CALN1: variants seen among roughly 807,000 people sequenced by gnomAD.
CALN1 encodes the protein calneuron 1.
CALN1 carries 17 observed loss-of-function variants against 30.6 expected under a neutral mutation model. The ratio of observed to expected loss-of-function variants is 0.56; its 90% CI spans 0.38 to 0.83. CALN1 has a LOEUF of 0.83. Ranked by LOEUF, CALN1 falls within the 40% of genes least tolerant of loss-of-function variation. CALN1 has a pLI of 0.00. For synonymous variants in CALN1, 156 were observed against 131.4 expected (o/e 1.19, Z -1.28); for missense variants, 291 against 354.9 (o/e 0.82, Z 1.45).
intron 5 of CALN1, among the ~76,000 whole-genome samples, chr7:71,882,694 C>CT (rs1247314325): frequency 6.6e-6 from 1 of 151,744 alleles, no homozygotes. Context: ...AAAAAAACAA[C>CT]TTTTTAAGAG....
Position 72,418,181 on chromosome 7 carries a change from A to G in CALN1, c.-225-5906T>C, listed in dbSNP as rs187371219. On this transcript the variant is annotated intron_variant, in intron 1 of 6. Transcript: ENST00000395276. ...CCATCTTGATGTCCACATGTACCCAATGTTTCTTTCCCACTTACAAGTGAG... is the reference window on the plus strand; with the variant it reads ...CCATCTTGATGTCCACATGTACCCAGTGTTTCTTTCCCACTTACAAGTGAG... Among the ~76,000 whole-genome samples the G allele has an allele frequency of 7.3e-5, 11 of 151,378 alleles. No homozygotes were observed. The East Asian group carries it at 9.8e-4, about 13-fold the overall frequency.
In CALN1 at chr7:72,278,012, G is replaced by C. The variant is rs567967284; in HGVS notation, c.244+674C>G. Among the ~76,000 whole-genome samples the C allele has an allele frequency of 9.4e-5, 13 of 138,766 alleles. 2 individuals carry two copies. Among genetic ancestry groups the C allele is most frequent in the African/African-American group, 2.1e-4 (8 of 37,376 alleles). The allele number at this position is 138,766 out of a possible 152,430, so 91.0% of individuals were successfully genotyped here. ...AATCAACCTAATCCTCTATTCCGGG[G>C]GGGGGGGACTTGTTTTTCCTATTTT... On this transcript the variant is annotated intron_variant, in intron 3 of 6. Transcript: ENST00000395275.
At chr7:71,995,957 C>T (rs1799230976) in intron 5 of CALN1, among the ~76,000 whole-genome samples, 1 of 152,096 alleles carries the variant, frequency 6.6e-6, no homozygotes, top group South Asian at 2.1e-4. Flanking sequence ...TAAGAATCTC[C>T]TCCCGCAAAG....
chr7:71,927,918 G>A (rs868073208), intron 5 of CALN1, among the ~76,000 whole-genome samples: 7 of 152,206 alleles, frequency 4.6e-5, no homozygotes, highest in Middle Eastern at 3.4e-3. Context: ...AATGGCCTGG[G>A]TCAAACACCC....
At chr7:72,373,160 G>A (rs2129560411) in intron 2 of CALN1, among the ~76,000 whole-genome samples, 1 of 152,216 alleles carries the variant, frequency 6.6e-6, no homozygotes, top group South Asian at 2.1e-4. Context: ...CGAAGAAAGA[G>A]CCAGAGAATG....
chr7:72,033,305 A>G (rs1452902735), intron 4 of CALN1, among the ~76,000 whole-genome samples: 1 of 152,188 alleles, frequency 6.6e-6, no homozygotes, highest in East Asian at 1.9e-4. Context: ...TGCAAAATAA[A>G]AGGGAGGAGA....
intron 2 of CALN1, among the ~76,000 whole-genome samples, chr7:72,335,385 G>A (rs1268036251): frequency 6.6e-6 from 1 of 152,346 alleles, no homozygotes; most frequent in East Asian, 1.9e-4. Context: ...GAGCTCATGA[G>A]TTCTATGTGC....
At chr7:71,906,180 T>A (rs1241398960) in intron 5 of CALN1, among the ~76,000 whole-genome samples, 1 of 152,204 alleles carries the variant, frequency 6.6e-6, no homozygotes, top group East Asian at 1.9e-4. Flanking sequence ...CTATCATTGC[T>A]GGAAGCAGTG....
In CALN1 at chr7:72,075,885, A is replaced by G. The variant is rs144581665; in HGVS notation, c.388+30266T>C. ...GAGAGAACAAATGTGCTGGGGAGGAAGGGTAAAAGTTCTCAAGGATCTGAG... is the reference window on the plus strand; with the variant it reads ...GAGAGAACAAATGTGCTGGGGAGGAGGGGTAAAAGTTCTCAAGGATCTGAG... On this transcript the variant is annotated intron_variant, in intron 4 of 6. Coordinates refer to ENST00000395275, the MANE Select transcript of CALN1 (RefSeq NM_031468.4). Among the ~76,000 whole-genome samples the G allele has an allele frequency of 4.8e-3, 735 of 152,268 alleles. 3 individuals are homozygous for G. The highest frequency in any genetic ancestry group is 0.024 in the Middle Eastern group (7 of 294).
At chr7:72,017,610 G>C (rs1327461527) in intron 5 of CALN1, among the ~76,000 whole-genome samples, 1 of 152,150 alleles carries the variant, frequency 6.6e-6, no homozygotes, top group Admixed American at 6.5e-5. Context: ...CATGCAAAAA[G>C]ACCAGGGAGC....
At chr7:72,369,353 TA>T (rs1245338154) in intron 2 of CALN1, among the ~76,000 whole-genome samples, 2 of 9,148 alleles carry the variant, frequency 2.2e-4, no homozygotes, top group African/African-American at 5.3e-4. Flanking sequence ...TATAAATATT[TA>T]TTTTTTTGTT....
At chr7:72,356,474 T>G (rs1803236554) in intron 2 of CALN1, among the ~76,000 whole-genome samples, 1 of 151,886 alleles carries the variant, frequency 6.6e-6, no homozygotes, top group Admixed American at 6.6e-5. Flanking sequence ...ATGTACTAAT[T>G]TAGGATATAT....
intron 6 of CALN1, 33 bp from the exon 7 acceptor site, chr7:71,787,935 G>T: frequency 6.2e-7 from 1 of 1,613,698 alleles, no homozygotes; most frequent in South Asian, 1.1e-5. Flanking sequence ...TGGGAAGAAG[G>T]AAGAGGGGTT....
chr7:71,955,289 G>T (rs1157909352), intron 5 of CALN1, among the ~76,000 whole-genome samples: 1 of 152,018 alleles, frequency 6.6e-6, no homozygotes, highest in Non-Finnish European at 1.5e-5. Flanking sequence ...CTCCCACCAG[G>T]TCCCTCCCAC....
chr7:72,040,064 C>T (rs1802031158), intron 4 of CALN1, among the ~76,000 whole-genome samples: 1 of 152,166 alleles, frequency 6.6e-6, no homozygotes, highest in Non-Finnish European at 1.5e-5. Flanking sequence ...TAGGAAACAC[C>T]TTTAGCTCAA....
At chr7:72,185,606 T>C (rs1439691077) in intron 3 of CALN1, among the ~76,000 whole-genome samples, 1 of 152,162 alleles carries the variant, frequency 6.6e-6, no homozygotes, top group Non-Finnish European at 1.5e-5. Flanking sequence ...GAGAGTGATA[T>C]AGTTTAGCTC....
At chr7:72,399,686 G>C (rs943813641) in intron 2 of CALN1, among the ~76,000 whole-genome samples, 1 of 152,112 alleles carries the variant, frequency 6.6e-6, no homozygotes, top group African/African-American at 2.4e-5. Context: ...GCACTTCATG[G>C]AGAGTCAACT....
chr7:72,281,292 G>C (rs1797721305), intron 2 of CALN1, among the ~76,000 whole-genome samples: 1 of 152,164 alleles, frequency 6.6e-6, no homozygotes, highest in Non-Finnish European at 1.5e-5. Context: ...CCAGCCTGCA[G>C]AGATATAAGA....
At chr7:71,850,493 C>T (rs1055441494) in intron 5 of CALN1, among the ~76,000 whole-genome samples, 4 of 152,224 alleles carry the variant, frequency 2.6e-5, no homozygotes, top group Non-Finnish European at 5.9e-5. Context: ...GCTGGGATTA[C>T]AGGCGTGGGC....
Sources: allele counts gnomAD v4.1 joint callset (sites outside exome capture counted in the v4.1 genomes callset), GRCh38; gene constraint gnomAD v4.1.1; transcripts MANE v1.5; gene names NCBI Gene and HGNC (gene_info 2026-07-23, HGNC 2026-07-21).